The following MYH14 variants were observed in gnomAD, a reference collection of about 807,000 sequenced individuals.
The protein encoded by MYH14 is myosin heavy chain 14.
MYH14 carries 123 observed loss-of-function variants against 255.5 expected under a neutral mutation model. The observed-to-expected ratio is 0.48, with a 90% confidence interval of 0.42 to 0.56. MYH14 has a LOEUF of 0.56. MYH14 is among the 20% of genes least tolerant of loss of function. The pLI is 0.00. For missense variants in MYH14, 2,423 were observed against 2,802.3 expected (o/e 0.86, Z 3.06); for synonymous variants, 1,095 against 1,161.2 (o/e 0.94, Z 1.16).
intron 42 of MYH14, 177 bp from the exon 43 acceptor site, chr19:50,309,463 A>G: frequency 1.7e-6 from 1 of 581,258 alleles, no homozygotes; most frequent in South Asian, 2.1e-5. Context: ...TCTGCCCCCC[A>G]TTGCTTCTGC....
intron 10 of MYH14, among the ~76,000 whole-genome samples, chr19:50,240,008 C>A (rs2033827685): frequency 1.3e-5 from 2 of 152,188 alleles, no homozygotes; most frequent in South Asian, 2.1e-4. Flanking sequence ...ACCACCAGCA[C>A]CCCCTCAAGG....
chr19:50,294,423 GT>G lies in MYH14; in HGVS notation c.5469+743del, dbSNP rs200131154. 6.0e-3 allele frequency among the ~76,000 whole-genome samples: 836 copies of G among 138,504 alleles called. 11 individuals carry two copies. Among genetic ancestry groups the G allele is most frequent in the African/African-American group, 0.02 (797 of 39,114 alleles). 90.9% of individuals were successfully genotyped at this position (138,504 alleles called of 152,430 possible). Reference sequence around the variant, plus strand: ...AAACCAATGTCTGCATTCTTCATTAGTTTTTTTCTAATTTTTTTTTTTTTTT... The same window carrying G: ...AAACCAATGTCTGCATTCTTCATTAGTTTTTTCTAATTTTTTTTTTTTTTT... On this transcript the variant is annotated intron_variant, in intron 39 of 42. Transcript: ENST00000642316.
chr19:50,235,636 A>AG (rs1352893327), intron 10 of MYH14, among the ~76,000 whole-genome samples: 2 of 151,610 alleles, frequency 1.3e-5, no homozygotes, highest in African/African-American at 4.8e-5. Context: ...AAAAAAAAAA[A>AG]AATTAACCAG....
At position 50,224,164 on chromosome 19, in the gene MYH14, G is replaced by C. The variant is rs2032986310; in HGVS notation, c.704G>C (p.Ser235Thr). ...CCGTGACTTCCTCAGGCCTCCGTCA[G>C]CACCGTGTCTTATGTGAGTAGCAGG... ...RKEPGVPASV[S>T]TVSYGELERQ... is the part of the protein sequence containing the mutation. The change falls in exon 6 of 43, where the codon AGC (serine) becomes ACC (threonine). Residue 235 changes from serine (S) to threonine (T), a missense_variant. Coordinates refer to ENST00000642316, the MANE Select transcript of MYH14 (RefSeq NM_001145809.2). 1 of 1,613,664 alleles carries C rather than the reference G, an allele frequency of 6.2e-7. No homozygotes were observed. The highest frequency in any genetic ancestry group is 1.3e-5 in the African/African-American group (1 of 74,848).
chr19:50,250,241 C>CCACCG lies in MYH14; in HGVS notation c.1657-274_1657-273insCACCG, dbSNP rs1568498614. Reference sequence around the variant, plus strand: ...TCAGCCTCCCGAGTAGCTGGGACTACAGGTGCCCGCCACCACGCCCGGCTA... The same window carrying CCACCG: ...TCAGCCTCCCGAGTAGCTGGGACTACCACCGAGGTGCCCGCCACCACGCCCGGCTA... On this transcript the variant is annotated intron_variant, in intron 14 of 42. Coordinates refer to ENST00000642316, the MANE Select transcript of MYH14 (RefSeq NM_001145809.2). The surrounding 1 kb of genome is among the most constrained non-coding windows in gnomAD (Gnocchi z 5.4). 7.5e-6 allele frequency among the ~76,000 whole-genome samples: 1 copy of CCACCG among 132,452 alleles called. No homozygotes were observed. Among genetic ancestry groups the CCACCG allele is most frequent in the Admixed American group, 8.4e-5 (1 of 11,906 alleles). 86.9% of individuals were successfully genotyped at this position (132,452 alleles called of 152,430 possible).
intron 21 of MYH14, among the ~76,000 whole-genome samples, chr19:50,262,791 G>A (rs1171448295): frequency 6.6e-6 from 1 of 152,100 alleles, no homozygotes; most frequent in Non-Finnish European, 1.5e-5. Context: ...GGGGCTTTGG[G>A]ACTGGGCAGA....
intron 15 of MYH14, among the ~76,000 whole-genome samples, chr19:50,251,809 C>T (rs2034412428): frequency 6.6e-6 from 1 of 152,120 alleles, no homozygotes; most frequent in Admixed American, 6.5e-5. Context: ...AACTCCTGAC[C>T]TCAGTTGATC....
At chr19:50,244,408 C>G (rs561575024) in intron 11 of MYH14, 71 bp downstream of exon 11, 1 of 1,194,328 alleles carries the variant, frequency 8.4e-7, no homozygotes, top group Non-Finnish European at 1.2e-6. Context: ...TCCTGCACCC[C>G]TGTCCCACGT....
intron 40 of MYH14, 37 bp downstream of exon 40, chr19:50,301,906 T>G: frequency 6.5e-7 from 1 of 1,528,914 alleles, no homozygotes; most frequent in Non-Finnish European, 9.0e-7. Flanking sequence ...AAAGGTGACC[T>G]CCACATTCTG....
At chr19:50,218,998 G>T in intron 3 of MYH14, among the ~76,000 whole-genome samples, 1 of 102,218 alleles carries the variant, frequency 9.8e-6, no homozygotes. Flanking sequence ...ATATCCCATG[G>T]TGTGTATATA....
At chr19:50,245,045 C>G (rs2034047938) in intron 11 of MYH14, among the ~76,000 whole-genome samples, 1 of 151,988 alleles carries the variant, frequency 6.6e-6, no homozygotes, top group African/African-American at 2.4e-5. Flanking sequence ...TACTTTAAAC[C>G]AAAATAGAAA....
rs113457476 is a variant in MYH14 at position 50,234,481 on chromosome 19, T to A, written c.1114+2411T>A. Among the ~76,000 whole-genome samples, 97 of 152,278 alleles carry A rather than the reference T, an allele frequency of 6.4e-4. 1 individual carries two copies. The East Asian group carries it at 0.018, about 29-fold the overall frequency. On this transcript the variant is annotated intron_variant, in intron 10 of 42. Coordinates refer to ENST00000642316, the MANE Select transcript of MYH14 (RefSeq NM_001145809.2). ...GGCTCCAGGGCCGGATTGGAAGTGC[T>A]GGAAATGGAGCGTAGCTTGGCTGTC...
At chr19:50,285,524 A>G (rs1032175969) in intron 33 of MYH14, 3 of 151,964 alleles carry the variant, frequency 2.0e-5, no homozygotes, top group African/African-American at 7.3e-5. Context: ...TCCATTTTTG[A>G]TTGCTAGTAT....
At chr19:50,231,740 C>T (rs199673305) in intron 9 of MYH14, among the ~76,000 whole-genome samples, 190 bp from the exon 10 acceptor site, 4 of 97,096 alleles carry the variant, frequency 4.1e-5, no homozygotes, top group Non-Finnish European at 6.6e-5. Context: ...AAAATAGAGA[C>T]AGAGTGGTGG....
At chr19:50,258,015 A>G (rs1205218731) in intron 18 of MYH14, among the ~76,000 whole-genome samples, 1 of 152,170 alleles carries the variant, frequency 6.6e-6, no homozygotes, top group Non-Finnish European at 1.5e-5. Context: ...GGCTTGTTGC[A>G]TGGGTGTGAC....
intron 10 of MYH14, among the ~76,000 whole-genome samples, chr19:50,236,700 T>C (rs993667969): frequency 1.3e-5 from 2 of 151,402 alleles, no homozygotes; most frequent in Non-Finnish European, 2.9e-5. Context: ...AGAGCAAGAC[T>C]CCATCTCAAA....
In MYH14 at chr19:50,293,425, G is replaced by A; in HGVS notation, c.5345+104G>A. ...CTCTGGGACAGGAAACTGGGAGGTG[G>A]GCGGGGTTAACCTCGGGGCCCCTGG... On this transcript the variant is annotated intron_variant, in intron 38 of 42. Coordinates refer to ENST00000642316, the MANE Select transcript of MYH14 (RefSeq NM_001145809.2). This position sits in a 1 kb window ranked among gnomAD's most constrained non-coding sequence, Gnocchi z 4.1. The A allele has an allele frequency of 6.6e-7, 1 of 1,516,944 alleles. No homozygotes were observed. Among genetic ancestry groups the A allele is most frequent in the Non-Finnish European group, 9.0e-7 (1 of 1,114,160 alleles). The allele number at this position is 1,516,944 out of a possible 1,614,324, so 94.0% of individuals were successfully genotyped here. A position where few individuals can be genotyped will look rare whatever the true frequency, so the allele number is the denominator to read the frequency against.
intron 6 of MYH14, among the ~76,000 whole-genome samples, chr19:50,225,179 C>T (rs566319339): frequency 2.6e-5 from 4 of 152,280 alleles, no homozygotes; most frequent in African/African-American, 9.6e-5. Flanking sequence ...CCTTGGAGTG[C>T]CTTACACTGT....
Position 50,230,940 on chromosome 19 carries a change from C to T in MYH14, c.973+317C>T, listed in dbSNP as rs777018914. ...GTGGCTTCTCTCTCGCGCGGCTTCT[C>T]CTCACTCCGGCGGGTGACTCCGGCT... On this transcript the variant is annotated intron_variant, in intron 9 of 42. Transcript: ENST00000642316. This position sits in a 1 kb window ranked among gnomAD's most constrained non-coding sequence, Gnocchi z 4.7. 12 of 355,002 alleles carry T rather than the reference C, an allele frequency of 3.4e-5. No individual in the cohort carries two copies. Among genetic ancestry groups the T allele is most frequent in the Non-Finnish European group, 5.8e-5 (11 of 188,802 alleles). The allele number at this position is 355,002 out of a possible 1,614,324, so 22.0% of individuals were successfully genotyped here.
Sources: gnomAD v4.1 joint callset for allele counts (sites outside exome capture counted in the v4.1 genomes callset) on GRCh38, gnomAD v4.1.1 for gene constraint, Gnocchi (gnomAD v3.1) non-coding constraint, MANE v1.5 for transcripts, NCBI Gene and HGNC (gene_info 2026-07-23, HGNC 2026-07-21) for gene names.